The following KLC1 variants were observed in gnomAD, a reference collection of about 807,000 sequenced individuals.
The protein encoded by KLC1 is kinesin light chain 1.
Under a neutral mutation model 84.2 loss-of-function variants are expected in KLC1, and 30 were observed. The observed-to-expected ratio is 0.36, with a 90% CI of 0.27 to 0.48. KLC1 has a LOEUF of 0.48. Among genes scored for constraint, KLC1 ranks in the 20% least tolerant of loss-of-function variants. The pLI is 0.99. For synonymous variants in KLC1, 289 were observed against 293.3 expected, an observed-to-expected ratio of 0.99 and a Z score of 0.15; for missense variants, 499 against 805.4, an observed-to-expected ratio of 0.62 and a Z score of 4.60.
At chr14:103,651,636 T>TG (rs1490242640) in intron 1 of KLC1, among the ~76,000 whole-genome samples, 3 of 152,174 alleles carry the variant, frequency 2.0e-5, no homozygotes, top group Non-Finnish European at 4.4e-5. Flanking sequence ...CATGGTCACC[T>TG]GGGGGGCAGG....
Position 103,693,429 on chromosome 14 carries a change from G to C in KLC1, c.1848+1004G>C. Reference sequence around the variant, plus strand: ...GTTTCTACATGCACATTGACCCCTGGGCCTCTCGAGTGCCAACCTAGATTT... The same window carrying C: ...GTTTCTACATGCACATTGACCCCTGCGCCTCTCGAGTGCCAACCTAGATTT... On this transcript the variant is annotated intron_variant, in intron 15 of 16. Coordinates refer to ENST00000334553, the MANE Select transcript of KLC1 (RefSeq NM_001394837.1). The surrounding 1 kb of genome is among the most constrained non-coding windows in gnomAD (Gnocchi z 5.1). 6.9e-7 allele frequency: 1 copy of C among 1,455,270 alleles called. No homozygotes were observed. The highest frequency in any genetic ancestry group is 1.8e-4 in the Middle Eastern group (1 of 5,704). The allele number at this position is 1,455,270 out of a possible 1,614,324, so 90.1% of individuals were successfully genotyped here.
At chr14:103,633,051 G>A (rs1246637521) in intron 1 of KLC1, among the ~76,000 whole-genome samples, 2 of 151,926 alleles carry the variant, frequency 1.3e-5, no homozygotes, top group African/African-American at 4.8e-5. Flanking sequence ...TTACAAAGGA[G>A]GGTTGGAAGA....
intron 1 of KLC1, among the ~76,000 whole-genome samples, chr14:103,636,230 ATT>A (rs1022228349): frequency 1.3e-5 from 2 of 151,164 alleles, no homozygotes; most frequent in African/African-American, 2.4e-5. Flanking sequence ...TTTATTTTTT[ATT>A]TTTTTTGAGA....
In KLC1 at chr14:103,687,123, C is replaced by A. The variant is rs1310113218; in HGVS notation, c.1693C>A (p.Leu565Ile). ...SLKRSGSFSK[L>I]RASIRRSSEK... ...AAAACGCAGTGGTTCCTTTAGCAAA[C>A]TCCGGGCTTCCATTAGACGCAGCAG... Residue 565 changes from leucine (L) to isoleucine (I), a missense_variant, in exon 14 of 17, where the codon CTC (leucine) becomes ATC (isoleucine). By Grantham distance (5) the Leu-to-Ile change is conservative. Coordinates refer to ENST00000334553, the MANE Select transcript of KLC1 (RefSeq NM_001394837.1). 1 of 1,547,218 alleles carries A rather than the reference C, an allele frequency of 6.5e-7. No homozygotes were observed. The highest frequency in any genetic ancestry group is 1.4e-5 in the African/African-American group (1 of 72,960).
chr14:103,681,027 G>A (rs187870778), intron 13 of KLC1, among the ~76,000 whole-genome samples: 20 of 152,262 alleles, frequency 1.3e-4, no homozygotes, highest in African/African-American at 3.6e-4. Context: ...TCAGGCCCGC[G>A]GGCTGGAAGT....
In KLC1 at chr14:103,692,350, G is replaced by A. The variant is rs749975796; in HGVS notation, c.1782-9G>A. 7 of 1,536,514 alleles carry A rather than the reference G, an allele frequency of 4.6e-6. No individual in the cohort carries two copies. The highest frequency in any genetic ancestry group is 2.4e-5 in the South Asian group (2 of 84,060). ...CGTTTGTCCTTGCATGTCCGTGTCCGGGTTGCAGCATGAAGCGTGCCAGCT... is the reference window on the plus strand; with the variant it reads ...CGTTTGTCCTTGCATGTCCGTGTCCAGGTTGCAGCATGAAGCGTGCCAGCT... On this transcript the variant is annotated splice_polypyrimidine_tract_variant and intron_variant, in intron 14 of 16. Transcript: ENST00000334553.
At chr14:103,696,093 C>CGGGGGGGCG in intron 15 of KLC1, 1 of 129,318 alleles carries the variant, frequency 7.7e-6, no homozygotes, top group Non-Finnish European at 9.2e-6. Context: ...AATCACTGCG[C>CGGGGGGGCG]CCCCGCCCCC....
Position 103,634,089 on chromosome 14 carries a change from G to A in KLC1, c.-2+4595G>A, listed in dbSNP as rs562581910. Among the ~76,000 whole-genome samples, 6 of 152,054 alleles carry A rather than the reference G, an allele frequency of 3.9e-5. No homozygotes were observed. The South Asian group carries it at 8.3e-4, about 21-fold the overall frequency. ...TCACCATGTTGGCCAGGCTGGTCTC[G>A]AACTCTTGACCTTAAGTGATCCACC... On this transcript the variant is annotated intron_variant, in intron 1 of 16. Coordinates refer to ENST00000334553, the MANE Select transcript of KLC1 (RefSeq NM_001394837.1).
At chr14:103,675,274 G>A (rs967745623) in intron 9 of KLC1, among the ~76,000 whole-genome samples, 2 of 152,076 alleles carry the variant, frequency 1.3e-5, no homozygotes, top group African/African-American at 4.8e-5. Context: ...GCAGCGAGGC[G>A]GGATCACACC....
chr14:103,687,469 C>T (rs2081853141), intron 14 of KLC1: 1 of 179,946 alleles, frequency 5.6e-6, no homozygotes, highest in Non-Finnish European at 1.2e-5. Context: ...GATTCTGTCA[C>T]ATGTTCTAAG....
intron 3 of KLC1, among the ~76,000 whole-genome samples, chr14:103,659,230 G>A (rs2079090370): frequency 6.6e-6 from 1 of 152,184 alleles, no homozygotes; most frequent in Admixed American, 6.5e-5. Flanking sequence ...CTCCCAAAGT[G>A]CTGGGATTAC....
chr14:103,692,314 G>A (rs1444709412), intron 14 of KLC1, 45 bp from the exon 15 acceptor site: 5 of 1,519,682 alleles, frequency 3.3e-6, no homozygotes, highest in East Asian at 4.9e-5. Context: ...CTGGTTGACC[G>A]ATGTGCTGAT....
chr14:103,685,187 G>A (rs2081683554), intron 13 of KLC1: 2 of 1,438,904 alleles, frequency 1.4e-6, no homozygotes, highest in Admixed American at 5.8e-5. Context: ...ATGGGCTGTA[G>A]ACTTTTAAAG....
In KLC1 at chr14:103,684,775, TC is replaced by T. The variant is rs1178337081; in HGVS notation, c.1651-2305del. 5.3e-6 allele frequency: 3 copies of T among 564,182 alleles called. No homozygotes were observed. In the African/African-American group the frequency reaches 5.6e-5, roughly 11 times the overall value. The allele number at this position is 564,182 out of a possible 1,614,324, so 34.9% of individuals were successfully genotyped here. A position where few individuals can be genotyped will look rare whatever the true frequency, so the allele number is the denominator to read the frequency against. On this transcript the variant is annotated intron_variant, in intron 13 of 16. Transcript: ENST00000334553. ...TTTTGAATCTGAGTGAAATGAATCT[TC>T]TGTGTTCTGCCAAGCATTTAGTTGA...
intron 15 of KLC1, among the ~76,000 whole-genome samples, chr14:103,699,731 A>G (rs755137430): frequency 1.3e-5 from 2 of 151,888 alleles, no homozygotes; most frequent in Non-Finnish European, 2.9e-5. Context: ...TCTGAGCCCA[A>G]TTCTGTATTT....
chr14:103,657,406 G>A, intron 2 of KLC1, 140 bp from the exon 3 acceptor site: 1 of 620,134 alleles, frequency 1.6e-6, no homozygotes. Context: ...AGAAGTAAAT[G>A]GCAGATTGTA....
At chr14:103,679,956 T>C (rs1319503115) in intron 13 of KLC1, among the ~76,000 whole-genome samples, 1 of 152,222 alleles carries the variant, frequency 6.6e-6, no homozygotes, top group African/African-American at 2.4e-5. Flanking sequence ...TGAGTTGAAA[T>C]GCTTTAAAGG....
chr14:103,683,952 TGGATCACTTGAGGCCA>T (rs1213023813), intron 13 of KLC1: 1 of 151,674 alleles, frequency 6.6e-6, no homozygotes, highest in Non-Finnish European at 1.5e-5. Flanking sequence ...CCGAGGCGGG[TGGATCACTTGAGGCCA>T]GGAGTTCGAG....
At chr14:103,634,936 A>C (rs1401262600) in intron 1 of KLC1, among the ~76,000 whole-genome samples, 2 of 152,060 alleles carry the variant, frequency 1.3e-5, no homozygotes, top group Non-Finnish European at 2.9e-5. Flanking sequence ...TTTCGAGATG[A>C]TCTTCATTCG....
Sources: gnomAD v4.1 joint callset for allele counts (sites outside exome capture counted in the v4.1 genomes callset) on GRCh38, gnomAD v4.1.1 for gene constraint, Gnocchi (gnomAD v3.1) non-coding constraint, MANE v1.5 for transcripts, NCBI Gene and HGNC (gene_info 2026-07-23, HGNC 2026-07-21) for gene names.